The following RPH3AL variants were observed in gnomAD, a reference collection of about 807,000 sequenced individuals.
RPH3AL encodes rab effector Noc2.
In RPH3AL, 38 loss-of-function variants were observed where a neutral mutation model predicts 43.1. The observed-to-expected ratio is 0.88, with a 90% CI of 0.68 to 1.15. The LOEUF (loss-of-function observed/expected upper bound fraction) is 1.15. Among genes scored for constraint, RPH3AL ranks in the 50% most tolerant of loss-of-function variants. The pLI, the probability that RPH3AL is intolerant of heterozygous loss-of-function variation, is 0.00. For synonymous variants in RPH3AL, 189 were observed against 176.3 expected (o/e 1.07, Z -0.57); for missense variants, 462 against 423.2 (o/e 1.09, Z -0.81).
chr17:221,345 C>T (rs2040967265), intron 7 of RPH3AL, among the ~76,000 whole-genome samples: 1 of 142,276 alleles, frequency 7.0e-6, no homozygotes, highest in African/African-American at 2.8e-5. Flanking sequence ...AGACAATAGA[C>T]CCAAGCACAA....
intron 6 of RPH3AL, among the ~76,000 whole-genome samples, chr17:263,149 C>T (rs1020852359): frequency 6.6e-6 from 1 of 152,132 alleles, no homozygotes; most frequent in Non-Finnish European, 1.5e-5. Flanking sequence ...ACTAAAGATA[C>T]CATCTAGACA....
chr17:329,079 A>G (rs1039340885), intron 2 of RPH3AL, among the ~76,000 whole-genome samples: 1 of 152,172 alleles, frequency 6.6e-6, no homozygotes, highest in African/African-American at 2.4e-5. Context: ...TCAAGAATAC[A>G]CTAAAACCAC....
chr17:253,572 C>A (rs28706104), intron 6 of RPH3AL, among the ~76,000 whole-genome samples: 23,406 of 120,650 alleles, frequency 0.19, 2,566 homozygotes, highest in Non-Finnish European at 0.21. Context: ...TGAAGTGCAA[C>A]CCATCTCCAG....
chr17:221,481 C>T (rs1597874874), intron 7 of RPH3AL, among the ~76,000 whole-genome samples: 1 of 70,672 alleles, frequency 1.4e-5, no homozygotes, highest in Admixed American at 1.3e-4. Context: ...GACAATAGAC[C>T]CAAGCACATC....
At chr17:276,602 A>G (rs927502922) in intron 6 of RPH3AL, among the ~76,000 whole-genome samples, 1 of 152,204 alleles carries the variant, frequency 6.6e-6, no homozygotes, top group African/African-American at 2.4e-5. Context: ...CATATCTCCC[A>G]GGCTGGTCTC....
intron 9 of RPH3AL, 86 bp from the exon 10 acceptor site, chr17:214,009 A>G (rs2040733253): frequency 2.0e-6 from 2 of 1,011,976 alleles, no homozygotes; most frequent in Admixed American, 4.6e-5. Context: ...TGGGAATGAG[A>G]TGGAGGAGCT....
At chr17:273,288 A>C (rs200172936) in intron 6 of RPH3AL, among the ~76,000 whole-genome samples, 4 of 96,498 alleles carry the variant, frequency 4.1e-5, no homozygotes, top group African/African-American at 1.4e-4. Flanking sequence ...GACCCCAGCG[A>C]GGGTGACGTC....
At chr17:236,010 A>G in intron 7 of RPH3AL, among the ~76,000 whole-genome samples, 1 of 151,926 alleles carries the variant, frequency 6.6e-6, no homozygotes, top group Admixed American at 6.5e-5. Flanking sequence ...CATGGGTCAA[A>G]GCTGGGGTCG....
chr17:258,941 G>C (rs1446676819), intron 6 of RPH3AL, among the ~76,000 whole-genome samples: 1 of 151,690 alleles, frequency 6.6e-6, no homozygotes, highest in Non-Finnish European at 1.5e-5. Flanking sequence ...AACCACTTTT[G>C]AACTATCAAA....
chr17:286,473 C>T (rs1445212429), intron 5 of RPH3AL, among the ~76,000 whole-genome samples: 5 of 152,144 alleles, frequency 3.3e-5, no homozygotes, highest in Non-Finnish European at 5.9e-5. Flanking sequence ...GCGAGGGCTA[C>T]GGAAAGACGA....
At chr17:243,440 A>C (rs113177251) in intron 7 of RPH3AL, among the ~76,000 whole-genome samples, 41,101 of 110,016 alleles carry the variant, frequency 0.37, 7,018 homozygotes, top group East Asian at 0.5. Context: ...TCTATTGATT[A>C]CCTTCCTCTA....
At chr17:340,623 C>CGG (rs1433346768) in intron 1 of RPH3AL, among the ~76,000 whole-genome samples, 5 of 29,896 alleles carry the variant, frequency 1.7e-4, no homozygotes, top group African/African-American at 3.9e-4. Flanking sequence ...CTCACTGCCC[C>CGG]CCTCCCAGGC....
At chr17:286,569 G>T (rs920214735) in intron 5 of RPH3AL, among the ~76,000 whole-genome samples, 1 of 152,206 alleles carries the variant, frequency 6.6e-6, no homozygotes, top group Non-Finnish European at 1.5e-5. Flanking sequence ...CAATGGGCTC[G>T]GTCTTTGTTC....
At chr17:228,462 G>A (rs528521694) in intron 7 of RPH3AL, among the ~76,000 whole-genome samples, 1 of 152,172 alleles carries the variant, frequency 6.6e-6, no homozygotes, top group South Asian at 2.1e-4. Flanking sequence ...GCCTGTGGTA[G>A]GTGCTTGATA....
chr17:331,847 G>A (rs752497266), intron 2 of RPH3AL: 57 of 1,289,060 alleles, frequency 4.4e-5, no homozygotes, highest in Middle Eastern at 2.1e-4. Context: ...ATTAAACACA[G>A]ACTGCGCCCT....
At chr17:270,580 C>T (rs953222412) in intron 6 of RPH3AL, among the ~76,000 whole-genome samples, 21 of 152,080 alleles carry the variant, frequency 1.4e-4, no homozygotes, top group Non-Finnish European at 2.6e-4. Context: ...CCAGGCATGG[C>T]GGCTCATGCC....
At chr17:233,051 A>G (rs2041267964) in intron 7 of RPH3AL, among the ~76,000 whole-genome samples, 1 of 151,962 alleles carries the variant, frequency 6.6e-6, no homozygotes, top group African/African-American at 2.4e-5. Context: ...CAGTCAGTTC[A>G]TGGCACTTAG....
chr17:243,132 C>T (rs1201260211), intron 7 of RPH3AL, among the ~76,000 whole-genome samples: 2 of 142,544 alleles, frequency 1.4e-5, no homozygotes, highest in African/African-American at 2.6e-5. Context: ...ATTGCCCCTC[C>T]TCTACTGATT....
chr17:350,404 G>A (rs1209459527), intron 1 of RPH3AL, among the ~76,000 whole-genome samples: 2 of 152,040 alleles, frequency 1.3e-5, no homozygotes, highest in Non-Finnish European at 2.9e-5. Context: ...GAGGTCAAGA[G>A]ATCAAGACCA....
Sources: gnomAD v4.1 joint callset for allele counts (sites outside exome capture counted in the v4.1 genomes callset) on GRCh38, gnomAD v4.1.1 for gene constraint, MANE v1.5 for transcripts, NCBI Gene and HGNC (gene_info 2026-07-23, HGNC 2026-07-21) for gene names.